Variants in STAB2 observed in about 807,000 individuals in gnomAD.
STAB2 encodes stabilin 2.
In STAB2, 288 loss-of-function variants were observed where a neutral mutation model predicts 338.1. The ratio of observed to expected loss-of-function variants is 0.85; its 90% CI spans 0.77 to 0.94. STAB2 has a LOEUF of 0.94. Ranked by LOEUF, STAB2 falls within the 40% of genes least tolerant of loss-of-function variation. The probability of loss-of-function intolerance (pLI) is 0.00; values close to 1 mark genes in which losing one functional copy is unlikely to be tolerated. For missense variants in STAB2, 3,141 were observed against 3,210.1 expected (o/e 0.98, Z 0.52); for synonymous variants, 1,202 against 1,193.3 (o/e 1.01, Z -0.15).
intron 5 of STAB2, among the ~76,000 whole-genome samples, chr12:103,629,881 T>G (rs1383919461): frequency 2.0e-5 from 3 of 152,214 alleles, no homozygotes; most frequent in African/African-American, 7.2e-5. Flanking sequence ...ACTCTGAACA[T>G]AATATGTATT....
At chr12:103,610,880 A>T (rs548544244) in intron 3 of STAB2, among the ~76,000 whole-genome samples, 2 of 152,298 alleles carry the variant, frequency 1.3e-5, no homozygotes, top group Admixed American at 1.3e-4. Flanking sequence ...AGATTCTGGT[A>T]TGTTGTGTCT....
At chr12:103,678,362 C>T (rs1181590439) in intron 25 of STAB2, among the ~76,000 whole-genome samples, 3 of 152,162 alleles carry the variant, frequency 2.0e-5, no homozygotes, top group African/African-American at 7.2e-5. Context: ...ACCATGATAT[C>T]TCCCACTTGA....
intron 11 of STAB2, among the ~76,000 whole-genome samples, chr12:103,650,926 C>G (rs1182068873): frequency 6.6e-6 from 1 of 152,116 alleles, no homozygotes; most frequent in African/African-American, 2.4e-5. Context: ...AGAAGATTTG[C>G]TTAAAGCAAA....
Position 103,755,671 on chromosome 12 carries a change from C to G in STAB2, c.6940C>G (p.Leu2314Val), listed in dbSNP as rs1884048404. Residue 2314 changes from leucine to valine, a missense_variant, in exon 63 of 69, where the codon CTG (leucine) becomes GTG (valine). Transcript: ENST00000388887. ...AGATGGCTTCTCATGCAGTGGGAACCTGCTGCAGGTCCTGATGTCCTTCCC... is the reference window on the plus strand; with the variant it reads ...AGATGGCTTCTCATGCAGTGGGAACGTGCTGCAGGTCCTGATGTCCTTCCC... ...VGDGFSCSGNLLQVLMSFPSL... is the reference protein window; with the variant it reads ...VGDGFSCSGNVLQVLMSFPSL... The G allele has an allele frequency of 6.2e-7, 1 of 1,614,038 alleles. No homozygotes were observed. Among genetic ancestry groups the G allele is most frequent in the Non-Finnish European group, 8.5e-7 (1 of 1,180,036 alleles).
chr12:103,587,644 A>T, intron 1 of STAB2, 87 bp downstream of exon 1: 1 of 1,091,336 alleles, frequency 9.2e-7, no homozygotes, highest in Non-Finnish European at 1.4e-6. Flanking sequence ...GTTATGGGTA[A>T]AGGGTGAAAT....
rs750987271 is a variant in STAB2, at chr12:103,637,233, G to C, written c.706G>C (p.Asp236His). 2 of 1,609,512 alleles carry C rather than the reference G, an allele frequency of 1.2e-6. No individual in the cohort carries two copies. Among genetic ancestry groups the C allele is most frequent in the South Asian group, 2.2e-5 (2 of 90,082 alleles). ...TTACCGAGGCGATGGCAAATACTGC[G>C]ACCGTGAGTAGAATTTAGATTCTGC... ...PNYRGDGKYC[D>H]PINPCLRKIC... The change falls in exon 7 of 69, where the codon GAC becomes CAC. Residue 236 changes from aspartate (D) to histidine (H), a missense_variant. Physicochemically the swap from Asp to His is moderately conservative, Grantham distance 81. Coordinates refer to ENST00000388887, the MANE Select transcript of STAB2 (RefSeq NM_017564.10).
Position 103,685,469 on chromosome 12 carries a change from T to TGTGCGTGCGTGC in STAB2, c.2997+394_2997+395insTGCGTGCGTGCG, listed in dbSNP as rs1191026139. 1.1e-4 allele frequency among the ~76,000 whole-genome samples: 16 copies of TGTGCGTGCGTGC among 140,812 alleles called. No individual in the cohort carries two copies. The East Asian group carries it at 3.2e-3, about 28-fold the overall frequency. The allele number at this position is 140,812 out of a possible 152,430, so 92.4% of individuals were successfully genotyped here. On this transcript the variant is annotated intron_variant, in intron 27 of 68. Transcript: ENST00000388887. ...GTGTGTGTGTGCGCGTGCGTGTGTG[T>TGTGCGTGCGTGC]GTGCGTGCGCGCATGTGTGTGTGTG... is the stretch of plus-strand genomic sequence containing the variant.
chr12:103,741,915 G>T (rs986004439), intron 55 of STAB2, among the ~76,000 whole-genome samples: 1 of 152,136 alleles, frequency 6.6e-6, no homozygotes, highest in Non-Finnish European at 1.5e-5. Context: ...GAGCCCCCAT[G>T]ACCACCCAGC....
chr12:103,622,231 A>T, intron 5 of STAB2, 120 bp downstream of exon 5: 1 of 1,033,098 alleles, frequency 9.7e-7, no homozygotes, highest in Non-Finnish European at 1.4e-6. Context: ...TTTCAGCAGA[A>T]TTAAATTTAA....
At chr12:103,656,677 ATTT>A (rs62855260) in intron 15 of STAB2, among the ~76,000 whole-genome samples, 16 of 118,956 alleles carry the variant, frequency 1.3e-4, no homozygotes, top group Admixed American at 1.8e-4. Flanking sequence ...AAAACTTAGG[ATTT>A]TTTTTTTTTT....
chr12:103,616,125 A>C (rs1350917588), intron 3 of STAB2, among the ~76,000 whole-genome samples: 1 of 152,226 alleles, frequency 6.6e-6, no homozygotes, highest in African/African-American at 2.4e-5. Context: ...ACTGTCCCTA[A>C]GGAAGAAGAA....
At chr12:103,675,157 A>G (rs1876217410) in intron 23 of STAB2, among the ~76,000 whole-genome samples, 1 of 152,210 alleles carries the variant, frequency 6.6e-6, no homozygotes, top group South Asian at 2.1e-4. Flanking sequence ...TAAGGCATGT[A>G]TGACTGAATT....
rs186772922 is a variant in STAB2, at chr12:103,708,043, C to T, written c.4193-398C>T. Reference sequence around the variant, plus strand: ...ATTGAGGAAGCAGTGCCACACCAGGCTTATACAAACCCAGTGTCAAATGGG... The same window carrying T: ...ATTGAGGAAGCAGTGCCACACCAGGTTTATACAAACCCAGTGTCAAATGGG... On this transcript the variant is annotated intron_variant, in intron 38 of 68. Transcript: ENST00000388887. Among the ~76,000 whole-genome samples the T allele has an allele frequency of 2.0e-5, 3 of 152,276 alleles. No individual in the cohort carries two copies. In the East Asian group the frequency reaches 5.8e-4, roughly 29 times the overall value.
At chr12:103,676,876 G>A (rs1333267500) in intron 24 of STAB2, among the ~76,000 whole-genome samples, 4 of 152,140 alleles carry the variant, frequency 2.6e-5, no homozygotes, top group Admixed American at 2.6e-4. Flanking sequence ...CTGGCTCTGA[G>A]GATAAAATCT....
intron 19 of STAB2, among the ~76,000 whole-genome samples, chr12:103,667,658 A>G (rs954237297): frequency 6.6e-6 from 1 of 152,216 alleles, no homozygotes; most frequent in Non-Finnish European, 1.5e-5. Context: ...GATTCCCAAA[A>G]GGACTGTAGT....
chr12:103,683,328 A>AC, intron 26 of STAB2, 28 bp downstream of exon 26: 1 of 1,470,460 alleles, frequency 6.8e-7, no homozygotes, highest in Non-Finnish European at 9.3e-7. Flanking sequence ...GTTTTTCATT[A>AC]CTTAAAAAAA....
intron 45 of STAB2, among the ~76,000 whole-genome samples, chr12:103,725,562 G>GCACGTGTTAATGTGTGTA (rs1881117357): frequency 6.6e-6 from 1 of 152,180 alleles, no homozygotes; most frequent in Admixed American, 6.5e-5. Flanking sequence ...ATGTGTGCGT[G>GCACGTGTTAATGTGTGTA]CACGTGTTAA....
Position 103,688,186 on chromosome 12 carries a change from G to T in STAB2, c.3016G>T (p.Glu1006Ter). 4 of 1,613,846 alleles carry T rather than the reference G, an allele frequency of 2.5e-6. No homozygotes were observed. Among genetic ancestry groups the T allele is most frequent in the Non-Finnish European group, 2.5e-6 (3 of 1,179,774 alleles). Residue 1006 changes from glutamate to a stop codon, truncating the protein, a stop_gained, in exon 28 of 69, where the codon GAA becomes TAA. Coordinates refer to ENST00000388887, the MANE Select transcript of STAB2 (RefSeq NM_017564.10). LOFTEE classifies it high-confidence loss of function. ...GAATAAGGAATTGTCATTTCTCTCC[G>T]AAGCAGCTATATTTAACCGATGGAT... ...NAAVELSFLS[E>*]AAIFNRWINN...
Position 103,661,921 on chromosome 12 carries a change from A to C in STAB2, c.1870-925A>C, listed in dbSNP as rs536609082. ...GTGGGGGTCAGGTCATGCATGGCCT[A>C]AGAAGTCAGGGTAAGGATGCAGGCT... On this transcript the variant is annotated intron_variant, in intron 17 of 68. Transcript: ENST00000388887. 1.1e-4 allele frequency among the ~76,000 whole-genome samples: 16 copies of C among 152,280 alleles called. 1 individual carries two copies. The highest frequency in any genetic ancestry group is 6.8e-3 in the Middle Eastern group (2 of 292).
Sources: allele counts gnomAD v4.1 joint callset (sites outside exome capture counted in the v4.1 genomes callset), GRCh38; gene constraint gnomAD v4.1.1; transcripts MANE v1.5; gene names NCBI Gene and HGNC (gene_info 2026-07-23, HGNC 2026-07-21).